The following NLRP7 variants were observed in gnomAD, a reference collection of about 807,000 sequenced individuals.
NLRP7 encodes the protein NLR family pyrin domain containing 7.
A neutral mutation model predicts 85.5 loss-of-function variants in NLRP7; 72 were observed. The observed-to-expected ratio is 0.84, with a 90% confidence interval of 0.70 to 1.02. The LOEUF is 1.02. NLRP7 is among the 50% of genes least tolerant of loss of function. The pLI is 0.00. For missense variants in NLRP7, 1,243 were observed against 1,219.5 expected, an observed-to-expected ratio of 1.02 and a Z score of -0.29; for synonymous variants, 550 against 505.2, an observed-to-expected ratio of 1.09 and a Z score of -1.19.
At chr19:54,943,607 G>C (rs948019471) in intron 1 of NLRP7, among the ~76,000 whole-genome samples, 1 of 151,750 alleles carries the variant, frequency 6.6e-6, no homozygotes, top group Non-Finnish European at 1.5e-5. Context: ...TCTGGGTTGG[G>C]GGGGCGGGGG....
At chr19:54,941,360 C>T (rs188559514) in intron 2 of NLRP7, 75 bp downstream of exon 2, 182 of 1,065,930 alleles carry the variant, frequency 1.7e-4, no homozygotes, top group Middle Eastern at 2.6e-4. Context: ...CCAGCCTGGG[C>T]GACAGAACGA....
chr19:54,955,758 G>T (rs896554263), intron 1 of NLRP7, among the ~76,000 whole-genome samples: 1 of 152,072 alleles, frequency 6.6e-6, no homozygotes, highest in East Asian at 1.9e-4. Context: ...CTGCACTTCA[G>T]CCTGGGCGAC....
intron 9 of NLRP7, among the ~76,000 whole-genome samples, chr19:54,924,286 G>T (rs1255170599): frequency 6.6e-6 from 1 of 152,086 alleles, no homozygotes; most frequent in Non-Finnish European, 1.5e-5. Flanking sequence ...TTTCTAAAAA[G>T]AAATTTAGAC....
At chr19:54,952,286 C>A (rs1436616936), upstream of NLRP7, among the ~76,000 whole-genome samples, 1 of 151,816 alleles carries the variant, frequency 6.6e-6, no homozygotes, top group Non-Finnish European at 1.5e-5. Flanking sequence ...TGGCCCACAC[C>A]AAAACACTTA....
chr19:54,957,887 G>C (rs909664412), intron 1 of NLRP7, among the ~76,000 whole-genome samples: 11 of 152,068 alleles, frequency 7.2e-5, no homozygotes, highest in Non-Finnish European at 1.5e-4. Flanking sequence ...AGACTGGCCC[G>C]GTGTACAAAG....
chr19:54,934,747 TTG>T lies in NLRP7; in HGVS notation c.2301-90_2301-89del. On this transcript the variant is annotated intron_variant, in intron 6 of 9. Transcript: ENST00000340844. This position sits in a 1 kb window ranked among gnomAD's most constrained non-coding sequence, Gnocchi z 6.7. ...TTTTTTGAGACAGAGTTTCACTCTG[TTG>T]CCCAGTCTGGAATGCAAAGGCGTGA... 3 of 1,134,548 alleles carry T rather than the reference TTG, an allele frequency of 2.6e-6. No individual in the cohort carries two copies. The highest frequency in any genetic ancestry group is 3.7e-6 in the Non-Finnish European group (3 of 804,658). 70.3% of individuals were successfully genotyped at this position (1,134,548 alleles called of 1,614,324 possible).
At chr19:54,950,401 A>G (rs1377693654), upstream of NLRP7, among the ~76,000 whole-genome samples, 1 of 152,166 alleles carries the variant, frequency 6.6e-6, no homozygotes, top group East Asian at 1.9e-4. Flanking sequence ...GACCCAGGGG[A>G]CCAGCATTCA....
intron 1 of NLRP7, among the ~76,000 whole-genome samples, chr19:54,956,200 CAAGG>C (rs752034667): frequency 4.0e-5 from 6 of 151,524 alleles, no homozygotes; most frequent in African/African-American, 9.7e-5. Flanking sequence ...TCTTGTGGGA[CAAGG>C]AAGGAAGGAA....
At chr19:54,930,078 G>A (rs1300274665) in intron 9 of NLRP7, among the ~76,000 whole-genome samples, 2 of 142,276 alleles carry the variant, frequency 1.4e-5, no homozygotes, top group African/African-American at 2.6e-5. Flanking sequence ...TCGCGCCACT[G>A]CACTCCAGCC....
chr19:54,931,197 A>T (rs2068661988), intron 8 of NLRP7, among the ~76,000 whole-genome samples: 1 of 152,074 alleles, frequency 6.6e-6, no homozygotes, highest in South Asian at 2.1e-4. Flanking sequence ...CAAGACGGGC[A>T]GATCATTTGA....
At chr19:54,926,205 G>GGTGTGT (rs138774910) in intron 9 of NLRP7, among the ~76,000 whole-genome samples, 7,621 of 143,684 alleles carry the variant, frequency 0.053, 236 homozygotes, top group South Asian at 0.15. Context: ...AATGATTAGG[G>GGTGTGT]GTGTGTGTGT....
Position 54,938,246 on chromosome 19 carries a change from A to G in NLRP7, c.1932-5T>C. 6.2e-7 allele frequency: 1 copy of G among 1,613,300 alleles called. No individual in the cohort carries two copies. Among genetic ancestry groups the G allele is most frequent in the Non-Finnish European group, 8.5e-7 (1 of 1,179,266 alleles). On this transcript the variant is annotated splice_region_variant and splice_polypyrimidine_tract_variant and intron_variant, in intron 4 of 9. Transcript: ENST00000340844. ...GGAATGGTTAGGTAAGTGCACCTGC[A>G]GGAGAACACACGTTCATCTCTTAGG...
chr19:54,951,827 T>G (rs2069679126), upstream of NLRP7, among the ~76,000 whole-genome samples: 1 of 151,784 alleles, frequency 6.6e-6, no homozygotes, highest in Non-Finnish European at 1.5e-5. Context: ...CTCTGCTCAC[T>G]GCAAGCTCCG....
At position 54,941,609 on chromosome 19, in the gene NLRP7, C is replaced by T. The variant is rs878926490; in HGVS notation, c.103G>A (p.Glu35Lys). ...CATGGGGTCTTCTGTAGCACGTCTT[C>T]GAGGGGAAAAGCCCATAAAAGGGAT... Residue 35 changes from glutamate to lysine, a missense_variant, in exon 2 of 10, where the codon GAA becomes AAA. Glu to Lys is a moderately conservative substitution (Grantham distance 56). This residue lies in a region of NLRP7 where 591 missense variants were observed against 563.3 expected (regional missense o/e 1.05). Transcript: ENST00000340844. 8.1e-6 allele frequency: 13 copies of T among 1,613,982 alleles called. No individual in the cohort carries two copies. The highest frequency in any genetic ancestry group is 1.1e-5 in the Non-Finnish European group (13 of 1,180,002).
Position 54,927,597 on chromosome 19 carries a change from A to C in NLRP7, c.2810+2902T>G. On this transcript the variant is annotated intron_variant, in intron 9 of 9. Transcript: ENST00000340844. ...AAAACAAAACAAAACAAAACAAAAAACCCATACCTGAGTATCTTCAAGGAT... is the reference window on the plus strand; with the variant it reads ...AAAACAAAACAAAACAAAACAAAAACCCCATACCTGAGTATCTTCAAGGAT... 1 of 1,613,414 alleles carries C rather than the reference A, an allele frequency of 6.2e-7. No individual in the cohort carries two copies. Among genetic ancestry groups the C allele is most frequent in the Non-Finnish European group, 8.5e-7 (1 of 1,179,660 alleles).
At chr19:54,939,312 G>C (rs1250798113) in exon 4 of NLRP7, 9 of 1,614,120 alleles carry the variant, frequency 5.6e-6, no homozygotes, top group Non-Finnish European at 6.8e-6. Context: ...CCGGAAAGCA[G>C]CTTCTGTACG....
intron 1 of NLRP7, among the ~76,000 whole-genome samples, chr19:54,946,117 G>C (rs1039940372): frequency 9.3e-5 from 14 of 150,864 alleles, no homozygotes; most frequent in African/African-American, 3.4e-4. Flanking sequence ...ATGTTGGCCA[G>C]GCTGGCCTCG....
chr19:54,957,338 T>C (rs998625460), intron 1 of NLRP7, among the ~76,000 whole-genome samples: 2 of 144,730 alleles, frequency 1.4e-5, no homozygotes, highest in Admixed American at 6.9e-5. Flanking sequence ...TCCTTTCTTC[T>C]TCTTCTTCTT....
At chr19:54,959,450 T>C (rs186342749) in intron 1 of NLRP7, among the ~76,000 whole-genome samples, 4 of 151,602 alleles carry the variant, frequency 2.6e-5, no homozygotes, top group African/African-American at 7.3e-5. Context: ...TTGTTTTTTT[T>C]CTAAAACAAG....
Sources: allele counts gnomAD v4.1 joint callset (sites outside exome capture counted in the v4.1 genomes callset), GRCh38; gene constraint gnomAD v4.1.1; regional missense constraint gnomAD v4.1.1; non-coding constraint Gnocchi (gnomAD v3.1); transcripts MANE v1.5; gene names NCBI Gene and HGNC (gene_info 2026-07-23, HGNC 2026-07-21).